The following TMCC1 variants were observed in gnomAD, a reference collection of about 807,000 sequenced individuals.
The protein encoded by TMCC1 is transmembrane and coiled-coil domain family 1.
A neutral mutation model predicts 52.4 loss-of-function variants in TMCC1; 15 were observed. The observed-to-expected ratio is 0.29, with a 90% CI of 0.19 to 0.44. The LOEUF (loss-of-function observed/expected upper bound fraction) is 0.44, where lower values mean the gene tolerates loss of function less well. Ranked by LOEUF, TMCC1 falls within the 20% of genes least tolerant of loss-of-function variation. The pLI is 1.00. For synonymous variants in TMCC1, 279 were observed against 301.9 expected, an observed-to-expected ratio of 0.92 and a Z score of 0.79; for missense variants, 503 against 806.0, an observed-to-expected ratio of 0.62 and a Z score of 4.55.
At chr3:129,852,262 G>T (rs2059946088) in intron 2 of TMCC1, among the ~76,000 whole-genome samples, 2 of 152,088 alleles carry the variant, frequency 1.3e-5, no homozygotes, top group Non-Finnish European at 2.9e-5. Context: ...TTTGAGACCA[G>T]CCTGGCCTAA....
intron 4 of TMCC1, among the ~76,000 whole-genome samples, chr3:129,817,075 C>A (rs2058133965): frequency 6.6e-6 from 1 of 151,590 alleles, no homozygotes; most frequent in South Asian, 2.1e-4. Context: ...TGATAGATAT[C>A]CCAGTTACAT....
intron 4 of TMCC1, among the ~76,000 whole-genome samples, chr3:129,736,571 G>T (rs1327252771): frequency 1.3e-5 from 2 of 150,670 alleles, no homozygotes; most frequent in Non-Finnish European, 3.0e-5. Context: ...GCCCAGGCTG[G>T]AATGCAATGG....
At chr3:129,889,176 G>A (rs1223034550) in intron 1 of TMCC1, among the ~76,000 whole-genome samples, 1 of 152,030 alleles carries the variant, frequency 6.6e-6, no homozygotes, top group African/African-American at 2.4e-5. Flanking sequence ...GGACATTGAG[G>A]TCAGAGGATC....
At chr3:129,789,100 T>G (rs561864529) in intron 4 of TMCC1, among the ~76,000 whole-genome samples, 59 of 152,274 alleles carry the variant, frequency 3.9e-4, no homozygotes, top group South Asian at 2.5e-3. Flanking sequence ...GGTATGTCCT[T>G]CCATTATTTG....
rs146418375 is a variant in TMCC1 at position 129,828,782 on chromosome 3, T to C, written c.-130-274A>G. On this transcript the variant is annotated intron_variant, in intron 3 of 6. Transcript: ENST00000393238. The surrounding 1 kb of genome is among the most constrained non-coding windows in gnomAD (Gnocchi z 4.1). ...AAAAATCCCTACAAGATTCAATATA[T>C]ACAGAATTAGATATTAGAGGAGCCA... Among the ~76,000 whole-genome samples the C allele has an allele frequency of 5.3e-5, 8 of 152,272 alleles. No individual in the cohort carries two copies. The highest frequency in any genetic ancestry group is 1.7e-4 in the African/African-American group (7 of 41,554).
intron 4 of TMCC1, among the ~76,000 whole-genome samples, chr3:129,687,172 C>T (rs2089467667): frequency 6.6e-6 from 1 of 152,058 alleles, no homozygotes; most frequent in Non-Finnish European, 1.5e-5. Context: ...AGCAAAAAGT[C>T]AGGTGTCAAT....
In TMCC1 at chr3:129,670,511, C is replaced by T; in HGVS notation, c.1330G>A (p.Ala444Thr). 1 of 1,614,206 alleles carries T rather than the reference C, an allele frequency of 6.2e-7. No individual in the cohort carries two copies. Among genetic ancestry groups the T allele is most frequent in the Non-Finnish European group, 8.5e-7 (1 of 1,180,030 alleles). ...NSTTGGIAVGASSSKTNTLDM... is the reference protein window; with the variant it reads ...NSTTGGIAVGTSSSKTNTLDM... ...AGGGTGTTTGTTTTGGAGCTGGATG[C>T]TCCTACAGCGATGCCCCCTGTGGTG... Residue 444 changes from alanine to threonine, a missense_variant, in exon 5 of 7, where the codon GCA becomes ACA. Ala to Thr is a moderately conservative substitution (Grantham distance 58). Around this residue, in one of 7 missense-constraint regions of TMCC1, gnomAD observed 121 missense variants for 193.6 expected, o/e 0.62. Transcript: ENST00000393238.
chr3:129,753,626 GAA>G (rs1203950462), intron 4 of TMCC1, among the ~76,000 whole-genome samples: 1 of 152,086 alleles, frequency 6.6e-6, no homozygotes, highest in Non-Finnish European at 1.5e-5. Flanking sequence ...TAGATGCAGA[GAA>G]AGTTTTTACT....
chr3:129,729,320 T>C (rs1053996415), intron 4 of TMCC1, among the ~76,000 whole-genome samples: 3 of 152,244 alleles, frequency 2.0e-5, no homozygotes, highest in Admixed American at 6.5e-5. Flanking sequence ...TAAGGCTAAA[T>C]ATCTTTTTAT....
In TMCC1 at chr3:129,881,501, T is replaced by TA. The variant is rs149065099; in HGVS notation, c.-434-943dup. On this transcript the variant is annotated intron_variant, in intron 1 of 6. Coordinates refer to ENST00000393238, the MANE Select transcript of TMCC1 (RefSeq NM_001017395.5). ...CAGCAGAAAATGTAGAATAATCATA[T>TA]AAAAAAAACATATGTAGGTTTTGGC... Among the ~76,000 whole-genome samples the TA allele has an allele frequency of 7.9e-3, 1,201 of 151,790 alleles. 11 individuals carry two copies. Among genetic ancestry groups the TA allele is most frequent in the African/African-American group, 0.027 (1,128 of 41,434 alleles).
At chr3:129,881,105 C>T (rs1334438250) in intron 1 of TMCC1, among the ~76,000 whole-genome samples, 1 of 151,892 alleles carries the variant, frequency 6.6e-6, no homozygotes, top group Non-Finnish European at 1.5e-5. Flanking sequence ...CTCATGATCC[C>T]CCTGCCTCGG....
intron 4 of TMCC1, among the ~76,000 whole-genome samples, chr3:129,749,148 T>C (rs2107651474): frequency 6.8e-6 from 1 of 147,176 alleles, no homozygotes; most frequent in East Asian, 2.0e-4. Flanking sequence ...TAATAATAAT[T>C]ACCCTACTTG....
chr3:129,759,710 C>CTTTTTTTTTTT (rs61519484), intron 4 of TMCC1, among the ~76,000 whole-genome samples: 3 of 37,194 alleles, frequency 8.1e-5, no homozygotes, highest in African/African-American at 3.3e-4. Context: ...GCCAGCCAAA[C>CTTTTTTTTTTT]TTTTTTTTTT....
chr3:129,735,268 A>G (rs1560295581), intron 4 of TMCC1, among the ~76,000 whole-genome samples: 1 of 152,190 alleles, frequency 6.6e-6, no homozygotes, highest in African/African-American at 2.4e-5. Flanking sequence ...TATACATTAC[A>G]TTGTTAACAT....
At chr3:129,793,454 C>A (rs1211158459) in intron 4 of TMCC1, among the ~76,000 whole-genome samples, 3 of 152,210 alleles carry the variant, frequency 2.0e-5, no homozygotes, top group African/African-American at 7.2e-5. Flanking sequence ...TACAGACTTA[C>A]TATTTGTTTA....
chr3:129,747,465 G>A (rs940206870), intron 4 of TMCC1, among the ~76,000 whole-genome samples: 15 of 151,850 alleles, frequency 9.9e-5, no homozygotes. Context: ...AAATTACTTC[G>A]ATAATTTAAA....
At chr3:129,735,535 G>A (rs2050884384) in intron 4 of TMCC1, among the ~76,000 whole-genome samples, 1 of 151,578 alleles carries the variant, frequency 6.6e-6, no homozygotes, top group Admixed American at 6.6e-5. Context: ...TGTAGTCCTA[G>A]CTACTTGGGA....
At chr3:129,707,835 G>A (rs1239207634) in intron 4 of TMCC1, among the ~76,000 whole-genome samples, 1 of 152,028 alleles carries the variant, frequency 6.6e-6, no homozygotes, top group Non-Finnish European at 1.5e-5. Context: ...GGGAGGCTGA[G>A]GCAGGAGAAC....
intron 4 of TMCC1, among the ~76,000 whole-genome samples, chr3:129,750,482 G>A (rs766681328): frequency 7.9e-5 from 12 of 151,686 alleles, no homozygotes; most frequent in East Asian, 5.8e-4. Flanking sequence ...ATGAGCCACC[G>A]TGCTCAGCCT....
Sources: allele counts gnomAD v4.1 joint callset (sites outside exome capture counted in the v4.1 genomes callset), GRCh38; gene constraint gnomAD v4.1.1; regional missense constraint gnomAD v4.1.1; non-coding constraint Gnocchi (gnomAD v3.1); transcripts MANE v1.5; gene names NCBI Gene and HGNC (gene_info 2026-07-23, HGNC 2026-07-21).